Variants in NRG1 observed in about 807,000 individuals in gnomAD.
NRG1 encodes neuregulin 1, also known as pro-neuregulin-1, membrane-bound isoform.
NRG1 carries 18 observed loss-of-function variants against 63.8 expected under a neutral mutation model. That is an observed-to-expected ratio of 0.28 (90% CI 0.19 to 0.42). NRG1 has a LOEUF of 0.42. NRG1 is among the 10% of genes least tolerant of loss of function. The pLI is 1.00. For synonymous variants in NRG1, 302 were observed against 301.3 expected, an observed-to-expected ratio of 1.00 and a Z score of -0.02; for missense variants, 762 against 814.7, an observed-to-expected ratio of 0.94 and a Z score of 0.79.
intron 1 of NRG1, among the ~76,000 whole-genome samples, chr8:32,095,661 T>G (rs746788592): frequency 2.6e-5 from 4 of 152,234 alleles, no homozygotes; most frequent in Non-Finnish European, 4.4e-5. Flanking sequence ...CTGCTATTTA[T>G]ATCTCTGTTC....
chr8:32,233,688 C>T (rs1358017601), intron 1 of NRG1, among the ~76,000 whole-genome samples: 1 of 151,434 alleles, frequency 6.6e-6, no homozygotes, highest in African/African-American at 2.4e-5. Flanking sequence ...CCTCAGCCTC[C>T]TGAGTAGCTG....
At chr8:31,994,273 A>G (rs1222512127) in intron 1 of NRG1, among the ~76,000 whole-genome samples, 2 of 151,948 alleles carry the variant, frequency 1.3e-5, no homozygotes, top group African/African-American at 2.4e-5. Flanking sequence ...ACACTGGGGA[A>G]TGAATATCAA....
chr8:32,399,620 A>G (rs555823548), intron 1 of NRG1, among the ~76,000 whole-genome samples: 2 of 152,264 alleles, frequency 1.3e-5, no homozygotes, highest in African/African-American at 4.8e-5. Flanking sequence ...TAGGAGAATC[A>G]CTTGAACCCC....
chr8:32,579,549 G>C (rs1224775543), intron 1 of NRG1, among the ~76,000 whole-genome samples: 1 of 152,102 alleles, frequency 6.6e-6, no homozygotes, highest in East Asian at 1.9e-4. Context: ...GCTGTTTCTT[G>C]AACCTTGAAT....
chr8:32,751,453 T>G (rs1365624089), intron 7 of NRG1, among the ~76,000 whole-genome samples: 2 of 152,188 alleles, frequency 1.3e-5, no homozygotes, highest in African/African-American at 4.8e-5. Context: ...CTTCCCCAGT[T>G]GACCTGACAC....
At chr8:32,309,249 G>A (rs1856551384) in intron 1 of NRG1, among the ~76,000 whole-genome samples, 1 of 152,078 alleles carries the variant, frequency 6.6e-6, no homozygotes, top group Non-Finnish European at 1.5e-5. Context: ...ACTTGGAACT[G>A]GAGGCTACAC....
chr8:31,932,951 C>G (rs1287771108), intron 1 of NRG1, among the ~76,000 whole-genome samples: 1 of 152,164 alleles, frequency 6.6e-6, no homozygotes, highest in Non-Finnish European at 1.5e-5. Context: ...ATGAGCATCT[C>G]ATGTATAAGC....
Position 32,117,278 on chromosome 8 carries a change from C to T in NRG1, c.37+477847C>T, listed in dbSNP as rs138966547. On this transcript the variant is annotated intron_variant, in intron 1 of 10. Transcript: ENST00000519301. ...GATATGTAGTTGTATGACTATTTCA[C>T]GCAGATATTTGTTATTAATAAAAGA... Among the ~76,000 whole-genome samples the T allele has an allele frequency of 2.9e-3, 446 of 152,216 alleles. 2 individuals are homozygous for T. The highest frequency in any genetic ancestry group is 0.01 in the African/African-American group (435 of 41,522).
chr8:32,728,569 CTG>C, intron 6 of NRG1: 2 of 984,710 alleles, frequency 2.0e-6, no homozygotes, highest in Non-Finnish European at 2.4e-6. Context: ...GATTGTCTTA[CTG>C]TTGCATAACT....
intron 1 of NRG1, among the ~76,000 whole-genome samples, chr8:32,537,159 G>A (rs1832072128): frequency 8.7e-6 from 1 of 114,554 alleles, no homozygotes; most frequent in South Asian, 2.9e-4. Context: ...TCGCGCCACT[G>A]CATTCCATCC....
chr8:32,252,508 T>C (rs538259420), intron 1 of NRG1, among the ~76,000 whole-genome samples: 10 of 152,290 alleles, frequency 6.6e-5, no homozygotes, highest in African/African-American at 1.9e-4. Context: ...TAGTTGTAGA[T>C]GTGTGGCATT....
intron 5 of NRG1, among the ~76,000 whole-genome samples, chr8:32,675,609 A>G (rs1414974029): frequency 2.0e-5 from 3 of 152,174 alleles, no homozygotes; most frequent in Non-Finnish European, 4.4e-5. Flanking sequence ...GAAATGATAA[A>G]CAAATATTTA....
At chr8:32,116,270 C>T (rs1434686258) in intron 1 of NRG1, among the ~76,000 whole-genome samples, 3 of 152,086 alleles carry the variant, frequency 2.0e-5, no homozygotes, top group Non-Finnish European at 4.4e-5. Context: ...TGGGGAGAAA[C>T]TCTGGGAAGC....
At position 32,099,140 on chromosome 8, in the gene NRG1, G is replaced by C. The variant is rs535699983; in HGVS notation, c.37+459709G>C. ...GCTGACTGCAAGGAGACAAAGGCTT[G>C]CTGGGGATTTTATGGGATGGCGCTT... is the stretch of plus-strand genomic sequence containing the variant. On this transcript the variant is annotated intron_variant, in intron 1 of 10. Transcript: ENST00000519301. 2.6e-5 allele frequency among the ~76,000 whole-genome samples: 4 copies of C among 152,302 alleles called. No homozygotes were observed. In the East Asian group the frequency reaches 7.7e-4, roughly 29 times the overall value.
At chr8:31,754,417 G>A (rs939695053) in intron 1 of NRG1, among the ~76,000 whole-genome samples, 6 of 152,052 alleles carry the variant, frequency 3.9e-5, no homozygotes, top group Admixed American at 3.3e-4. Flanking sequence ...TGCTTTGGCC[G>A]TGTGACGTGG....
At chr8:31,679,046 T>C (rs1454430663) in intron 1 of NRG1, among the ~76,000 whole-genome samples, 1 of 152,006 alleles carries the variant, frequency 6.6e-6, no homozygotes, top group African/African-American at 2.4e-5. Flanking sequence ...TTTTTGCTTT[T>C]TAAAATTTGT....
chr8:31,999,428 T>C (rs1297163004), intron 1 of NRG1, among the ~76,000 whole-genome samples: 1 of 152,028 alleles, frequency 6.6e-6, no homozygotes, highest in Non-Finnish European at 1.5e-5. Context: ...AGTAGATGTA[T>C]ATATTTTGAC....
At chr8:32,216,798 A>T (rs956697369) in intron 1 of NRG1, among the ~76,000 whole-genome samples, 1 of 151,964 alleles carries the variant, frequency 6.6e-6, no homozygotes, top group African/African-American at 2.4e-5. Context: ...TAATACATCT[A>T]GTTCAGAACA....
chr8:32,136,664 T>G (rs183021219), intron 1 of NRG1: 12 of 152,340 alleles, frequency 7.9e-5, no homozygotes, highest in African/African-American at 2.9e-4. Flanking sequence ...ATATGTCTTC[T>G]TTCTTCACTG....
Sources: gnomAD v4.1 joint callset for allele counts (sites outside exome capture counted in the v4.1 genomes callset) on GRCh38, gnomAD v4.1.1 for gene constraint, MANE v1.5 for transcripts, NCBI Gene and HGNC (gene_info 2026-07-23, HGNC 2026-07-21) for gene names.